PHF21B: variants seen among roughly 807,000 people sequenced by gnomAD.
PHF21B encodes the protein PHD finger protein 21B, also known as PHD finger protein 4.
In PHF21B, 22 loss-of-function variants were observed where a neutral mutation model predicts 62.2. The observed-to-expected ratio is 0.35, with a 90% CI of 0.25 to 0.51. The LOEUF is 0.51. Among genes scored for constraint, PHF21B ranks in the 20% least tolerant of loss-of-function variants. PHF21B has a pLI of 0.97. For missense variants in PHF21B, 701 were observed against 707.9 expected, an observed-to-expected ratio of 0.99 and a Z score of 0.11; for synonymous variants, 341 against 314.7, an observed-to-expected ratio of 1.08 and a Z score of -0.88.
chr22:44,882,443 AGT>A lies in PHF21B; in HGVS notation c.*641_*642del, dbSNP rs1202963510. ...CGGCGCCCAGATGCTCACCTCCGACAGTGTCTTTCAAGTTAAACAGCTGCAAT... is the reference window on the plus strand; with the variant it reads ...CGGCGCCCAGATGCTCACCTCCGACAGTCTTTCAAGTTAAACAGCTGCAAT... On this transcript the variant is annotated 3_prime_UTR_variant, in exon 13 of 13. Transcript: ENST00000313237. 2 of 152,792 alleles carry A rather than the reference AGT, an allele frequency of 1.3e-5. No homozygotes were observed. The highest frequency in any genetic ancestry group is 4.8e-5 in the African/African-American group (2 of 41,438). 9.5% of individuals were successfully genotyped at this position (152,792 alleles called of 1,614,324 possible).
chr22:44,900,116 AT>A (rs2071131288), intron 5 of PHF21B, among the ~76,000 whole-genome samples: 1 of 151,894 alleles, frequency 6.6e-6, no homozygotes, highest in South Asian at 2.1e-4. Flanking sequence ...TCTCCTCTCA[AT>A]TTTACTTACA....
At chr22:44,994,655 C>A (rs952188179) in intron 2 of PHF21B, among the ~76,000 whole-genome samples, 1 of 152,190 alleles carries the variant, frequency 6.6e-6, no homozygotes, top group African/African-American at 2.4e-5. Flanking sequence ...CCAGCCACAA[C>A]CCCCGGGCTC....
chr22:44,987,926 TG>T (rs2147497295), intron 2 of PHF21B, among the ~76,000 whole-genome samples: 1 of 152,112 alleles, frequency 6.6e-6, no homozygotes. Flanking sequence ...CAAAATAAGG[TG>T]GGCCACCCTG....
At chr22:44,959,958 G>A (rs915792475) in intron 2 of PHF21B, among the ~76,000 whole-genome samples, 1 of 152,214 alleles carries the variant, frequency 6.6e-6, no homozygotes, top group African/African-American at 2.4e-5. Context: ...GCGCCTCCAG[G>A]AAGCGCTCTG....
intron 2 of PHF21B, among the ~76,000 whole-genome samples, chr22:44,986,743 A>G (rs1390715174): frequency 6.6e-6 from 1 of 152,070 alleles, no homozygotes; most frequent in Non-Finnish European, 1.5e-5. Context: ...TGCTCGCTGG[A>G]GCCCCAGATG....
chr22:44,900,186 C>T (rs537263069), intron 5 of PHF21B, among the ~76,000 whole-genome samples: 48 of 152,272 alleles, frequency 3.2e-4, no homozygotes, highest in Middle Eastern at 6.8e-3. Flanking sequence ...GACATCCTCA[C>T]CCACAGTTAA....
rs547053489 is a variant in PHF21B at position 44,929,337 on chromosome 22, G to A, written c.121-8847C>T. Reference sequence around the variant, plus strand: ...GAATGTGCTTAGGCTTGGCCTTTATGTCCCCATTTGGTGTCCCCCACCCTC... The same window carrying A: ...GAATGTGCTTAGGCTTGGCCTTTATATCCCCATTTGGTGTCCCCCACCCTC... On this transcript the variant is annotated intron_variant, in intron 2 of 12. Coordinates refer to ENST00000313237, the MANE Select transcript of PHF21B (RefSeq NM_138415.5). Among the ~76,000 whole-genome samples the A allele has an allele frequency of 1.2e-4, 18 of 152,302 alleles. No individual in the cohort carries two copies. In the South Asian group the frequency reaches 3.7e-3, roughly 32 times the overall value.
At chr22:44,917,154 A>G (rs2071452168) in intron 3 of PHF21B, among the ~76,000 whole-genome samples, 1 of 152,128 alleles carries the variant, frequency 6.6e-6, no homozygotes, top group Non-Finnish European at 1.5e-5. Context: ...CGGGCCTGAC[A>G]GTGAAGGTGT....
chr22:44,958,612 T>TTTTC (rs2072353076), intron 2 of PHF21B, among the ~76,000 whole-genome samples: 1 of 132,400 alleles, frequency 7.6e-6, no homozygotes, highest in Non-Finnish European at 1.6e-5. Flanking sequence ...TTTTTTTTTT[T>TTTTC]TTTTTTTTTT....
chr22:44,969,595 G>C (rs2072597714), intron 2 of PHF21B, among the ~76,000 whole-genome samples: 1 of 152,166 alleles, frequency 6.6e-6, no homozygotes, highest in Non-Finnish European at 1.5e-5. Flanking sequence ...GAACCTGGGA[G>C]GTAGAGGTTA....
At chr22:44,921,558 G>A (rs2071537833) in intron 2 of PHF21B, among the ~76,000 whole-genome samples, 1 of 151,448 alleles carries the variant, frequency 6.6e-6, no homozygotes, top group Admixed American at 6.6e-5. Flanking sequence ...GTAGAGACGG[G>A]GTTTCACCGT....
At chr22:44,916,229 CTCCT>C in intron 4 of PHF21B, 47 bp downstream of exon 4, 17 of 1,542,780 alleles carry the variant, frequency 1.1e-5, no homozygotes, top group Non-Finnish European at 1.5e-5. Flanking sequence ...TGCTCTCGGC[CTCCT>C]GTATGCGGCC....
At chr22:45,007,147 C>T (rs1396836469) in intron 2 of PHF21B, among the ~76,000 whole-genome samples, 1 of 151,150 alleles carries the variant, frequency 6.6e-6, no homozygotes, top group Non-Finnish European at 1.5e-5. Flanking sequence ...CGCATTTGTC[C>T]CAAGCCTTCG....
intron 5 of PHF21B, 77 bp downstream of exon 5, chr22:44,913,745 C>A (rs1349040155): frequency 8.7e-6 from 13 of 1,494,814 alleles, no homozygotes; most frequent in Middle Eastern, 2.5e-4. Context: ...GTGAGGCCAT[C>A]CCCGCTATAC....
At chr22:44,938,638 C>T (rs1415185470) in intron 2 of PHF21B, among the ~76,000 whole-genome samples, 1 of 152,240 alleles carries the variant, frequency 6.6e-6, no homozygotes, top group East Asian at 1.9e-4. Flanking sequence ...GACCTATGCC[C>T]TCTCAGGGGC....
chr22:44,898,246 G>T (rs1053960107), intron 5 of PHF21B, among the ~76,000 whole-genome samples: 1 of 152,144 alleles, frequency 6.6e-6, no homozygotes, highest in Non-Finnish European at 1.5e-5. Context: ...GTATTTTGCA[G>T]AGCCACCCTC....
At chr22:44,955,607 C>T (rs1043039108) in intron 2 of PHF21B, among the ~76,000 whole-genome samples, 1 of 152,200 alleles carries the variant, frequency 6.6e-6, no homozygotes, top group Admixed American at 6.5e-5. Flanking sequence ...GGGAGATCCT[C>T]CTTCTCCTGC....
At chr22:44,921,594 T>A (rs745507660) in intron 2 of PHF21B, among the ~76,000 whole-genome samples, 1 of 151,790 alleles carries the variant, frequency 6.6e-6, no homozygotes, top group Non-Finnish European at 1.5e-5. Context: ...CTCAATCTCC[T>A]GACCTCATGA....
At chr22:44,894,320 G>A (rs73178239) in intron 6 of PHF21B, among the ~76,000 whole-genome samples, 225 of 152,246 alleles carry the variant, frequency 1.5e-3, no homozygotes, top group Middle Eastern at 3.4e-3. Flanking sequence ...TATTAGGAAC[G>A]CACTTTTCGA....
Sources: allele counts gnomAD v4.1 joint callset (sites outside exome capture counted in the v4.1 genomes callset), GRCh38; gene constraint gnomAD v4.1.1; transcripts MANE v1.5; gene names NCBI Gene and HGNC (gene_info 2026-07-23, HGNC 2026-07-21).